The following DTNB variants were observed in gnomAD, a reference collection of about 807,000 sequenced individuals.
DTNB encodes DTN-B.
A neutral mutation model predicts 90.7 loss-of-function variants in DTNB; 63 were observed. The ratio of observed to expected loss-of-function variants is 0.69; its 90% CI spans 0.57 to 0.86. The LOEUF (loss-of-function observed/expected upper bound fraction) is 0.86, where lower values mean the gene tolerates loss of function less well. Among genes scored for constraint, DTNB ranks in the 40% least tolerant of loss-of-function variants. The pLI, the probability that DTNB is intolerant of heterozygous loss-of-function variation, is 0.00. For synonymous variants in DTNB, 277 were observed against 286.7 expected, an observed-to-expected ratio of 0.97 and a Z score of 0.34; for missense variants, 744 against 807.1, an observed-to-expected ratio of 0.92 and a Z score of 0.95.
chr2:25,604,218 A>C (rs1395592125), intron 5 of DTNB, among the ~76,000 whole-genome samples: 2 of 152,092 alleles, frequency 1.3e-5, no homozygotes, highest in Non-Finnish European at 2.9e-5. Context: ...AACAACAAAA[A>C]ACTCAAGAAC....
At chr2:25,618,284 A>C (rs2148627368) in intron 4 of DTNB, among the ~76,000 whole-genome samples, 1 of 152,316 alleles carries the variant, frequency 6.6e-6, no homozygotes, top group East Asian at 1.9e-4. Flanking sequence ...GCTCCTCAGC[A>C]CCCTGATACC....
intron 6 of DTNB, among the ~76,000 whole-genome samples, chr2:25,585,685 T>A (rs916876132): frequency 6.6e-6 from 1 of 152,362 alleles, no homozygotes; most frequent in Admixed American, 6.5e-5. Context: ...ATGTGCAACA[T>A]AGAAATATTT....
In DTNB at chr2:25,577,211, G is replaced by C. The variant is rs1013950099; in HGVS notation, c.710-207C>G. 1.3e-4 allele frequency among the ~76,000 whole-genome samples: 20 copies of C among 152,306 alleles called. 1 individual carries two copies. The highest frequency in any genetic ancestry group is 4.6e-4 in the African/African-American group (19 of 41,566). On this transcript the variant is annotated intron_variant, in intron 7 of 20. Transcript: ENST00000406818. ...GCACTATGGGAGGCTGAGGTGGGCA[G>C]ATCACTTGAGACCAGGAGTTTGAGA...
At chr2:25,628,147 C>A (rs372348646) in intron 4 of DTNB, 24 bp downstream of exon 4, 9 of 1,603,686 alleles carry the variant, frequency 5.6e-6, no homozygotes, top group Non-Finnish European at 6.0e-6. Flanking sequence ...ATGAAGTAAG[C>A]GTGTAAGGTA....
intron 9 of DTNB, among the ~76,000 whole-genome samples, chr2:25,490,713 G>A (rs866664254): frequency 6.6e-6 from 1 of 152,032 alleles, no homozygotes; most frequent in Non-Finnish European, 1.5e-5. Context: ...TTGATTACTT[G>A]GAAAAATGCT....
chr2:25,533,949 T>C (rs1181665597), intron 8 of DTNB, among the ~76,000 whole-genome samples: 1 of 149,722 alleles, frequency 6.7e-6, no homozygotes, highest in Non-Finnish European at 1.5e-5. Context: ...TTTTTATTTA[T>C]TTATTTATTT....
At chr2:25,611,128 A>G (rs1442833306) in intron 4 of DTNB, among the ~76,000 whole-genome samples, 2 of 152,230 alleles carry the variant, frequency 1.3e-5, no homozygotes, top group Non-Finnish European at 2.9e-5. Flanking sequence ...ACTCAACAAA[A>G]TATCTACAAG....
intron 14 of DTNB, 79 bp from the exon 15 acceptor site, chr2:25,427,710 T>C: frequency 1.5e-6 from 2 of 1,356,954 alleles, no homozygotes; most frequent in Non-Finnish European, 2.0e-6. Flanking sequence ...ATTTCAGACC[T>C]GATCCTGCTA....
At chr2:25,572,311 C>T (rs1219851628) in intron 8 of DTNB, among the ~76,000 whole-genome samples, 4 of 151,990 alleles carry the variant, frequency 2.6e-5, no homozygotes, top group Non-Finnish European at 4.4e-5. Flanking sequence ...ACTAAAAATA[C>T]AAAAAATTAG....
At chr2:25,655,877 C>G (rs1467272603) in intron 1 of DTNB, among the ~76,000 whole-genome samples, 1 of 152,124 alleles carries the variant, frequency 6.6e-6, no homozygotes, top group Non-Finnish European at 1.5e-5. Flanking sequence ...TGAAAACAAT[C>G]TTAACCAATA....
chr2:25,617,191 G>A (rs2148618079), intron 4 of DTNB, among the ~76,000 whole-genome samples: 1 of 152,260 alleles, frequency 6.6e-6, no homozygotes, highest in Admixed American at 6.5e-5. Flanking sequence ...TTAAGGGTCA[G>A]GGGATATGCA....
chr2:25,451,475 C>T, intron 12 of DTNB, 73 bp downstream of exon 12: 1 of 1,486,996 alleles, frequency 6.7e-7, no homozygotes, highest in Non-Finnish European at 9.1e-7. Context: ...TTCATGTCTA[C>T]TATTCCCTTT....
At chr2:25,492,386 T>TA (rs982524204) in intron 9 of DTNB, among the ~76,000 whole-genome samples, 3 of 151,474 alleles carry the variant, frequency 2.0e-5, no homozygotes, top group Middle Eastern at 3.4e-3. Context: ...GACTGTTGAC[T>TA]AAAAAAAAAG....
chr2:25,556,642 A>G (rs1294086780), intron 8 of DTNB, among the ~76,000 whole-genome samples: 1 of 152,208 alleles, frequency 6.6e-6, no homozygotes, highest in Admixed American at 6.5e-5. Context: ...GATGATTATA[A>G]CAGTGTGAAA....
intron 1 of DTNB, among the ~76,000 whole-genome samples, chr2:25,672,409 AG>A (rs1221007207): frequency 6.6e-6 from 1 of 152,110 alleles, no homozygotes; most frequent in African/African-American, 2.4e-5. Flanking sequence ...AAGATTTAGC[AG>A]TCAATAGTCA....
chr2:25,469,407 C>G (rs546017361), intron 10 of DTNB, among the ~76,000 whole-genome samples: 3 of 152,216 alleles, frequency 2.0e-5, no homozygotes, highest in Non-Finnish European at 2.9e-5. Flanking sequence ...ACAGGCTGGG[C>G]ACCATGAAGG....
rs542175597 is a variant in DTNB, at chr2:25,421,862, G to A, written c.1555-2327C>T. 5.9e-5 allele frequency among the ~76,000 whole-genome samples: 9 copies of A among 152,310 alleles called. No homozygotes were observed. The South Asian group carries it at 6.2e-4, about 11-fold the overall frequency. On this transcript the variant is annotated intron_variant, in intron 15 of 20. Coordinates refer to ENST00000406818, the MANE Select transcript of DTNB (RefSeq NM_021907.5). Reference sequence around the variant, plus strand: ...ATTTAAGTTTGTCAGAAGAGAAACCGTAATTTGCAGTAGATATATCAGGTT... The same window carrying A: ...ATTTAAGTTTGTCAGAAGAGAAACCATAATTTGCAGTAGATATATCAGGTT...
At chr2:25,667,499 A>C (rs2084748899) in intron 1 of DTNB, among the ~76,000 whole-genome samples, 1 of 152,168 alleles carries the variant, frequency 6.6e-6, no homozygotes, top group Non-Finnish European at 1.5e-5. Context: ...CATCTCAAAA[A>C]AAAAAGTCTG....
chr2:25,469,430 TATTC>T (rs762828529), intron 10 of DTNB, among the ~76,000 whole-genome samples: 15 of 152,260 alleles, frequency 9.9e-5, no homozygotes, highest in Admixed American at 3.3e-4. Context: ...TGCCCAAGCC[TATTC>T]ATTCATTCAT....
Sources: allele counts gnomAD v4.1 joint callset (sites outside exome capture counted in the v4.1 genomes callset), GRCh38; gene constraint gnomAD v4.1.1; transcripts MANE v1.5; gene names NCBI Gene and HGNC (gene_info 2026-07-23, HGNC 2026-07-21).